MUC4: variants seen among roughly 807,000 people sequenced by gnomAD.
The protein encoded by MUC4 is mucin-4.
A neutral mutation model predicts 257.9 loss-of-function variants in MUC4; 202 were observed. That is an observed-to-expected ratio of 0.78 (90% CI 0.70 to 0.88). MUC4 has a LOEUF of 0.88. Among genes scored for constraint, MUC4 ranks in the 40% least tolerant of loss-of-function variants. The pLI, the probability that MUC4 is intolerant of heterozygous loss-of-function variation, is 0.00. For synonymous variants in MUC4, 2,351 were observed against 2,757.1 expected (o/e 0.85, Z 4.62); for missense variants, 5,976 against 6,513.7 (o/e 0.92, Z 2.84).
rs910912595 is a variant in MUC4 at position 195,761,080 on chromosome 3, A to G, written c.14652T>C (p.Asn4884=). 6.2e-7 allele frequency: 1 copy of G among 1,614,088 alleles called. No individual in the cohort carries two copies. ...GGGTGAAGTTGGAAGGCAGCTGGTC[A>G]TTCCTCTTGCCAAGGAGGCCTGTCC... is the stretch of plus-strand genomic sequence containing the variant. ...INGTGLLGKR[N]DQLPSNFTPV... Residue 4884 remains asparagine (N), a synonymous_variant, in exon 16 of 25, where the codon AAT becomes AAC. Coordinates refer to ENST00000463781, the MANE Select transcript of MUC4 (RefSeq NM_018406.7).
Position 195,789,982 on chromosome 3 carries a change from G to T in MUC4, c.1598C>A (p.Pro533His). 6.2e-7 allele frequency: 1 copy of T among 1,613,936 alleles called. No individual in the cohort carries two copies. The change falls in exon 2 of 25, where the codon CCC becomes CAC. Residue 533 changes from proline (P) to histidine (H), a missense_variant. Around this residue, in one of 44 missense-constraint regions of MUC4, gnomAD observed 1,583 missense variants for 1,257.4 expected, o/e 1.26. Coordinates refer to ENST00000463781, the MANE Select transcript of MUC4 (RefSeq NM_018406.7). ...TTCCCCTATTGCTGAGACCTTAGAGGGGACCCTTGGAATAGTGCCAGCTGT... is the reference window on the plus strand; with the variant it reads ...TTCCCCTATTGCTGAGACCTTAGAGTGGACCCTTGGAATAGTGCCAGCTGT... ...TGTAGTIPRV[P>H]SKVSAIGEPG...
In MUC4 at chr3:195,778,410, G is replaced by T; in HGVS notation, c.12836C>A (p.Ala4279Asp). 6.2e-7 allele frequency: 1 copy of T among 1,613,148 alleles called. No homozygotes were observed. Among genetic ancestry groups the T allele is most frequent in the South Asian group, 1.1e-5 (1 of 91,058 alleles). Residue 4279 changes from alanine (A) to aspartate (D), a missense_variant, in exon 3 of 25, where the codon GCC becomes GAC. Ala to Asp is a moderately radical substitution (Grantham distance 126). This residue lies in a region of MUC4 where 233 missense variants were observed against 171.2 expected (regional missense o/e 1.36). Transcript: ENST00000463781. Reference sequence around the variant, plus strand: ...GGAGGTTGTGGGGGGTGGTGATGTGGCTGTGCGTCTCCCACCGTCTGTCTT... The same window carrying T: ...GGAGGTTGTGGGGGGTGGTGATGTGTCTGTGCGTCTCCCACCGTCTGTCTT... ...SLKTDGGRRT[A>D]TSPPPTTSQT...
chr3:195,768,888 G>T, intron 7 of MUC4, 134 bp downstream of exon 7: 1 of 1,182,288 alleles, frequency 8.5e-7, no homozygotes, highest in South Asian at 1.7e-5. Flanking sequence ...GCGGGAGCTG[G>T]AGTCAGCGTG....
chr3:195,747,443 C>A (rs1332292165), intron 24 of MUC4, 63 bp from the exon 25 acceptor site: 4 of 1,541,812 alleles, frequency 2.6e-6, no homozygotes, highest in Non-Finnish European at 3.6e-6. Flanking sequence ...AGCCCCTCCT[C>A]TTCTGCTGGG....
At position 195,763,578 on chromosome 3, in the gene MUC4, A is replaced by G. The variant is rs1719719926; in HGVS notation, c.14108T>C (p.Leu4703Pro). The G allele has an allele frequency of 1.9e-6, 3 of 1,595,390 alleles. No homozygotes were observed. Among genetic ancestry groups the G allele is most frequent in the African/African-American group, 1.3e-5 (1 of 74,346 alleles). ...LDGVSYTFNGLGDFLLVGAQD... is the reference protein window; with the variant it reads ...LDGVSYTFNGPGDFLLVGAQD... ...GGCCCCGACCAGCAGGAAGTCCCCCAGCCCATTGAAGGTGTAACTGACACC... is the reference window on the plus strand; with the variant it reads ...GGCCCCGACCAGCAGGAAGTCCCCCGGCCCATTGAAGGTGTAACTGACACC... Residue 4703 changes from leucine to proline, a missense_variant, in exon 12 of 25, where the codon CTG (leucine) becomes CCG (proline). This residue lies in a region of MUC4 where 996 missense variants were observed against 1,137.3 expected (regional missense o/e 0.88). Transcript: ENST00000463781.
At position 195,789,567 on chromosome 3, in the gene MUC4, G is replaced by A. The variant is rs747899751; in HGVS notation, c.2013C>T (p.Phe671=). 3 of 1,613,952 alleles carry A rather than the reference G, an allele frequency of 1.9e-6. No homozygotes were observed. Among genetic ancestry groups the A allele is most frequent in the Non-Finnish European group, 2.5e-6 (3 of 1,179,876 alleles). The change falls in exon 2 of 25, where the codon TTC becomes TTT. Residue 671 remains phenylalanine, a synonymous_variant. Coordinates refer to ENST00000463781, the MANE Select transcript of MUC4 (RefSeq NM_018406.7). ...TKTVTTPGSS[F]TASGHSPSEI... The stretch of plus-strand genomic sequence containing the variant: ...CTGAGGGCGAGTGCCCACTGGCTGT[G>A]AAGGAAGAACCTGGGGTGGTGACTG...
At chr3:195,761,351 G>T in intron 15 of MUC4, 133 bp downstream of exon 15, 1 of 844,064 alleles carries the variant, frequency 1.2e-6, no homozygotes, top group Non-Finnish European at 1.9e-6. Flanking sequence ...GGTGGGGACA[G>T]CCCTGGGGGG....
At chr3:195,806,539 T>C (rs1736008106) in intron 1 of MUC4, among the ~76,000 whole-genome samples, 1 of 152,268 alleles carries the variant, frequency 6.6e-6, no homozygotes, top group South Asian at 2.1e-4. Flanking sequence ...CTTCACTGTG[T>C]GCATCCAGTG....
intron 16 of MUC4, among the ~76,000 whole-genome samples, chr3:195,760,295 G>A (rs915155521): frequency 1.3e-5 from 2 of 152,236 alleles, no homozygotes; most frequent in Non-Finnish European, 2.9e-5. Context: ...CACCAAGGAG[G>A]GGACATTGGA....
In MUC4 at chr3:195,757,145, A is replaced by G; in HGVS notation, c.15168+2T>C. 6.3e-7 allele frequency: 1 copy of G among 1,587,652 alleles called. No individual in the cohort carries two copies. The highest frequency in any genetic ancestry group is 8.6e-7 in the Non-Finnish European group (1 of 1,160,008). ...ACTCCTCCCCCACCTCCCAACACTC[A>G]CCTCCAGGGAGGAGTTGCCCACCCT... On this transcript the variant is annotated splice_donor_variant, in intron 18 of 24. Coordinates refer to ENST00000463781, the MANE Select transcript of MUC4 (RefSeq NM_018406.7). LOFTEE classifies it high-confidence loss of function. The surrounding 1 kb of genome is among the most constrained non-coding windows in gnomAD (Gnocchi z 4.8).
chr3:195,762,464 C>CCCTGCACCGCCACGCACT (rs1719245023), intron 13 of MUC4, among the ~76,000 whole-genome samples: 2 of 141,472 alleles, frequency 1.4e-5, no homozygotes, highest in South Asian at 2.2e-4. Flanking sequence ...CGCCACGCAC[C>CCCTGCACCGCCACGCACT]GGGCCCTGCA....
rs1719922045 is a variant in MUC4 at position 195,764,284 on chromosome 3, AG to A, written c.13925-121del. Reference sequence around the variant, plus strand: ...GTGTTGGTGGAGAGCTTGGCAGGGCAGGGCGGTGTTGGTGGAGAGCTTGGCA... The same window carrying A: ...GTGTTGGTGGAGAGCTTGGCAGGGCAGGCGGTGTTGGTGGAGAGCTTGGCA... On this transcript the variant is annotated intron_variant, in intron 10 of 24. Coordinates refer to ENST00000463781, the MANE Select transcript of MUC4 (RefSeq NM_018406.7). 3.2e-5 allele frequency: 38 copies of A among 1,182,204 alleles called. No individual in the cohort carries two copies. The South Asian group carries it at 5.4e-4, about 17-fold the overall frequency. 73.2% of individuals were successfully genotyped at this position (1,182,204 alleles called of 1,614,324 possible). A position where few individuals can be genotyped will look rare whatever the true frequency, so the allele number is the denominator to read the frequency against.
chr3:195,773,245 T>C (rs2688511), intron 4 of MUC4, among the ~76,000 whole-genome samples: 45,926 of 84,026 alleles, frequency 0.55, 13,394 homozygotes, highest in East Asian at 0.76. Flanking sequence ...CAGGTGTAGA[T>C]ACCCTCTCTC....
rs1717808334 is a variant in MUC4 at position 195,757,033 on chromosome 3, C to T, written c.15168+114G>A. 1.8e-6 allele frequency: 2 copies of T among 1,089,072 alleles called. No homozygotes were observed. Among genetic ancestry groups the T allele is most frequent in the Non-Finnish European group, 2.7e-6 (2 of 746,166 alleles). 67.5% of individuals were successfully genotyped at this position (1,089,072 alleles called of 1,614,324 possible). On this transcript the variant is annotated intron_variant, in intron 18 of 24. Transcript: ENST00000463781. The surrounding 1 kb of genome is among the most constrained non-coding windows in gnomAD (Gnocchi z 4.8). ...TCTGCTCTACTCACCTACCACTGCT[C>T]CACCCATCTCCCAACACAGACACAC...
chr3:195,753,435 T>C, intron 19 of MUC4: 2 of 574,134 alleles, frequency 3.5e-6, no homozygotes, highest in Non-Finnish European at 6.0e-6. Flanking sequence ...ATTCTTCCAC[T>C]TTTGTGGAGG....
rs561801234 is a variant in MUC4, at chr3:195,788,793, G to C, written c.2787C>G (p.Thr929=). 6.2e-7 allele frequency: 1 copy of C among 1,613,782 alleles called. No individual in the cohort carries two copies. Among genetic ancestry groups the C allele is most frequent in the African/African-American group, 1.3e-5 (1 of 74,878 alleles). The change falls in exon 2 of 25, where the codon ACC becomes ACG. Residue 929 remains threonine (T), a synonymous_variant. Coordinates refer to ENST00000463781, the MANE Select transcript of MUC4 (RefSeq NM_018406.7). The part of the protein sequence containing the change: ...SDTISLASQA[T]DTFSTVPPTP... ...TGGGTGGGACTGTTGAGAAGGTGTC[G>C]GTTGCCTGGGACGCCAGGCTGATAG...
Position 195,784,974 on chromosome 3 carries a change from G to A in MUC4, c.6606C>T (p.Ser2202=), listed in dbSNP as rs1306355934. The change falls in exon 2 of 25, where the codon TCC becomes TCT. Residue 2202 remains serine (S), a synonymous_variant. Coordinates refer to ENST00000463781, the MANE Select transcript of MUC4 (RefSeq NM_018406.7). ...CAGGAAGAGGGGTGGCCTGACCTGT[G>A]GATGCTGAGGAAGTGTCGGTGACAG... ...PLPVTDTSSA[S]TGQATPLPVT... is the part of the protein sequence containing the mutation. The A allele has an allele frequency of 7.8e-7, 1 of 1,279,738 alleles. No individual in the cohort carries two copies. The highest frequency in any genetic ancestry group is 1.5e-5 in the African/African-American group (1 of 66,366). 79.3% of individuals were successfully genotyped at this position (1,279,738 alleles called of 1,614,324 possible).
intron 1 of MUC4, among the ~76,000 whole-genome samples, chr3:195,796,340 C>T (rs1039072450): frequency 1.3e-5 from 2 of 152,214 alleles, no homozygotes; most frequent in Non-Finnish European, 2.9e-5. Flanking sequence ...ACCTCGGCAT[C>T]CCAAAGTGCT....
Position 195,771,814 on chromosome 3 carries a change from G to T in MUC4, c.13080C>A (p.Phe4360Leu). ...GGAAGATGATCTGGCCATTGTCTGT[G>T]AACTGAGCACATGGGTTTTGTGGTC... ...LGSSLRDSLY[F>L]TDNGQIIFPE... Residue 4360 changes from phenylalanine to leucine, a missense_variant and splice_region_variant, in exon 5 of 25, where the codon TTC (phenylalanine) becomes TTA (leucine). Transcript: ENST00000463781. The T allele has an allele frequency of 6.2e-7, 1 of 1,613,764 alleles. No individual in the cohort carries two copies. Among genetic ancestry groups the T allele is most frequent in the Non-Finnish European group, 8.5e-7 (1 of 1,179,748 alleles).
Sources: gnomAD v4.1 joint callset for allele counts (sites outside exome capture counted in the v4.1 genomes callset) on GRCh38, gnomAD v4.1.1 for gene constraint, gnomAD v4.1.1 regional missense constraint, Gnocchi (gnomAD v3.1) non-coding constraint, MANE v1.5 for transcripts, NCBI Gene and HGNC (gene_info 2026-07-23, HGNC 2026-07-21) for gene names.